Variants in SYT17 observed in about 807,000 individuals in gnomAD.
SYT17 encodes the protein synaptotagmin-17.
SYT17 carries 22 observed loss-of-function variants against 46.7 expected under a neutral mutation model. That is an observed-to-expected ratio of 0.47 (90% CI 0.34 to 0.67). The LOEUF (loss-of-function observed/expected upper bound fraction) is 0.67. Among genes scored for constraint, SYT17 ranks in the 30% least tolerant of loss-of-function variants. The pLI, the probability that SYT17 is intolerant of heterozygous loss-of-function variation, is 0.01. For missense variants in SYT17, 519 were observed against 612.8 expected (o/e 0.85, Z 1.62); for synonymous variants, 251 against 248.4 (o/e 1.01, Z -0.10).
chr16:19,213,025 C>G (rs560547315), intron 5 of SYT17, among the ~76,000 whole-genome samples: 1 of 152,286 alleles, frequency 6.6e-6, no homozygotes, highest in South Asian at 2.1e-4. Flanking sequence ...TTTCTTTCTT[C>G]TTAAGAGACA....
At chr16:19,172,199 C>T (rs1225132225) in intron 1 of SYT17, 3 of 415,728 alleles carry the variant, frequency 7.2e-6, no homozygotes, top group Non-Finnish European at 1.0e-5. Flanking sequence ...GACCTCCTTC[C>T]TCAAGAGGAC....
intron 7 of SYT17, among the ~76,000 whole-genome samples, chr16:19,232,837 C>CACAA (rs1555461035): frequency 2.6e-5 from 3 of 115,766 alleles, no homozygotes; most frequent in Admixed American, 8.7e-5. Flanking sequence ...ATCTCAAAAA[C>CACAA]ATAAACAAAC....
rs545319212 is a variant in SYT17, at chr16:19,185,651, G to A, written c.951+1504G>A. ...TTTCCATGGGGAGCCATTTGGTGAC[G>A]TGCAGAGAAAATGGCCTTGGGTCCA... On this transcript the variant is annotated intron_variant, in intron 5 of 7. Transcript: ENST00000355377. 9.2e-5 allele frequency among the ~76,000 whole-genome samples: 14 copies of A among 151,744 alleles called. No homozygotes were observed. The South Asian group carries it at 1.5e-3, about 16-fold the overall frequency.
Position 19,211,347 on chromosome 16 carries a change from C to G in SYT17, c.952-11698C>G, listed in dbSNP as rs943210238. 7 of 696,370 alleles carry G rather than the reference C, an allele frequency of 1.0e-5. No homozygotes were observed. The African/African-American group carries it at 1.2e-4, about 12-fold the overall frequency. The allele number at this position is 696,370 out of a possible 1,614,324, so 43.1% of individuals were successfully genotyped here. On this transcript the variant is annotated intron_variant, in intron 5 of 7. Coordinates refer to ENST00000355377, the MANE Select transcript of SYT17 (RefSeq NM_016524.4). Reference sequence around the variant, plus strand: ...CTCGGCCCGTGGTGTGGCAGCAGCTCAGCCTCTGTGTTGGGGGCTGCACTG... The same window carrying G: ...CTCGGCCCGTGGTGTGGCAGCAGCTGAGCCTCTGTGTTGGGGGCTGCACTG...
chr16:19,187,730 G>A (rs1441387080), intron 5 of SYT17, among the ~76,000 whole-genome samples: 2 of 152,104 alleles, frequency 1.3e-5, no homozygotes, highest in African/African-American at 2.4e-5. Context: ...ACAATCATAT[G>A]AAAAAGAGCT....
intron 7 of SYT17, among the ~76,000 whole-genome samples, chr16:19,263,785 A>G (rs1969168035): frequency 6.6e-6 from 1 of 152,226 alleles, no homozygotes; most frequent in Admixed American, 6.5e-5. Context: ...GCATATCCAT[A>G]CAATGGAACG....
rs1384506627 is a variant in SYT17 at position 19,173,579 on chromosome 16, G to A, written c.182+1G>A. The A allele has an allele frequency of 1.9e-6, 3 of 1,613,136 alleles. No homozygotes were observed. Among genetic ancestry groups the A allele is most frequent in the Non-Finnish European group, 2.5e-6 (3 of 1,179,750 alleles). On this transcript the variant is annotated splice_donor_variant, in intron 3 of 7. Transcript: ENST00000355377. LOFTEE classifies it high-confidence loss of function. ...TCCCTGCTCAGACCCCTCCCTGGCTGTAAGTAAAACTGCTCTGAACTTCTC... is the reference window on the plus strand; with the variant it reads ...TCCCTGCTCAGACCCCTCCCTGGCTATAAGTAAAACTGCTCTGAACTTCTC...
chr16:19,171,647 A>C (rs1964097471), intron 1 of SYT17: 1 of 152,118 alleles, frequency 6.6e-6, no homozygotes, highest in Non-Finnish European at 1.5e-5. Flanking sequence ...TTATTAACTT[A>C]ATTTTTTTTC....
At chr16:19,234,970 A>C (rs1966828854) in intron 7 of SYT17, among the ~76,000 whole-genome samples, 1 of 152,120 alleles carries the variant, frequency 6.6e-6, no homozygotes, top group Non-Finnish European at 1.5e-5. Context: ...AATTGACACC[A>C]AATCTGTGCC....
intron 5 of SYT17, among the ~76,000 whole-genome samples, chr16:19,214,989 T>C (rs1304967211): frequency 6.6e-6 from 1 of 152,054 alleles, no homozygotes; most frequent in Non-Finnish European, 1.5e-5. Context: ...GGTTTCACCA[T>C]GTTGGCCAGA....
chr16:19,174,176 G>A (rs1288741710), intron 3 of SYT17, among the ~76,000 whole-genome samples: 4 of 152,274 alleles, frequency 2.6e-5, no homozygotes, highest in South Asian at 4.1e-4. Flanking sequence ...GGCATCTTTC[G>A]TTTTATTTCT....
intron 5 of SYT17, among the ~76,000 whole-genome samples, chr16:19,198,494 C>T (rs1567208560): frequency 6.6e-6 from 1 of 152,204 alleles, no homozygotes; most frequent in African/African-American, 2.4e-5. Flanking sequence ...TGAGTACTTA[C>T]CATGGATCAA....
intron 7 of SYT17, among the ~76,000 whole-genome samples, chr16:19,260,514 AAAAAAAAAAAAAAAGG>A: frequency 8.5e-6 from 1 of 118,148 alleles, no homozygotes; most frequent in Non-Finnish European, 1.6e-5. Context: ...AAAAAAAAAA[AAAAAAAAAAAAAAAGG>A]AAAGAAAAAA....
chr16:19,189,039 A>G (rs944093913), intron 5 of SYT17, among the ~76,000 whole-genome samples: 1 of 151,870 alleles, frequency 6.6e-6, no homozygotes, highest in Non-Finnish European at 1.5e-5. Flanking sequence ...GGCGCCCACC[A>G]CCACGCCCGG....
intron 5 of SYT17, among the ~76,000 whole-genome samples, chr16:19,221,186 CAAAAAAA>C (rs575577083): frequency 4.8e-5 from 3 of 62,924 alleles, no homozygotes; most frequent in South Asian, 6.3e-4. Context: ...GACCTTGTCT[CAAAAAAA>C]AAAAAAAAAA....
intron 5 of SYT17, among the ~76,000 whole-genome samples, chr16:19,221,095 A>G (rs1966299225): frequency 6.7e-6 from 1 of 149,330 alleles, no homozygotes; most frequent in African/African-American, 2.5e-5. Context: ...ATGTTAAGGT[A>G]GTAGGATCCC....
chr16:19,200,123 G>A (rs11649652), intron 5 of SYT17, among the ~76,000 whole-genome samples: 24,683 of 152,220 alleles, frequency 0.16, 2,141 homozygotes, highest in African/African-American at 0.2. Flanking sequence ...GCAGTTTATA[G>A]TATCAAAAGA....
rs75012929 is a variant in SYT17 at position 19,212,675 on chromosome 16, G to A, written c.952-10370G>A. The stretch of plus-strand genomic sequence containing the variant: ...GGAAGTGAGGTAATGGCATGGTTCC[G>A]TTTTCTTTTAGAAAACCAGAATATT... On this transcript the variant is annotated intron_variant, in intron 5 of 7. Transcript: ENST00000355377. Among the ~76,000 whole-genome samples, 31 of 152,246 alleles carry A rather than the reference G, an allele frequency of 2.0e-4. 1 individual carries two copies. Among genetic ancestry groups the A allele is most frequent in the South Asian group, 1.7e-3 (8 of 4,832 alleles).
At chr16:19,180,594 C>G in intron 4 of SYT17, 55 bp downstream of exon 4, 2 of 1,606,012 alleles carry the variant, frequency 1.2e-6, no homozygotes, top group South Asian at 2.2e-5. Context: ...CCCAGACACT[C>G]TCCCACGGAG....
Sources: allele counts gnomAD v4.1 joint callset (sites outside exome capture counted in the v4.1 genomes callset), GRCh38; gene constraint gnomAD v4.1.1; transcripts MANE v1.5; gene names NCBI Gene and HGNC (gene_info 2026-07-23, HGNC 2026-07-21).